Variants in WDPCP observed in about 807,000 individuals in gnomAD.
WDPCP encodes WD repeat-containing and planar cell polarity effector protein fritz homolog.
In WDPCP, 71 loss-of-function variants were observed where a neutral mutation model predicts 93.1. The observed-to-expected ratio is 0.76, with a 90% CI of 0.63 to 0.93. The LOEUF (loss-of-function observed/expected upper bound fraction) is 0.93, where lower values mean the gene tolerates loss of function less well. Ranked by LOEUF, WDPCP falls within the 40% of genes least tolerant of loss-of-function variation. The pLI is 0.00. For synonymous variants in WDPCP, 315 were observed against 315.0 expected, an observed-to-expected ratio of 1.00 and a Z score of 0.00; for missense variants, 844 against 887.4, an observed-to-expected ratio of 0.95 and a Z score of 0.62.
At chr2:63,170,733 T>C (rs1393171460) in intron 15 of WDPCP, among the ~76,000 whole-genome samples, 1 of 152,218 alleles carries the variant, frequency 6.6e-6, no homozygotes, top group Non-Finnish European at 1.5e-5. Flanking sequence ...CATTTTCTGT[T>C]ACTTTGTATG....
At chr2:63,209,181 TTAC>T (rs1348686265) in intron 14 of WDPCP, among the ~76,000 whole-genome samples, 1 of 152,234 alleles carries the variant, frequency 6.6e-6, no homozygotes, top group African/African-American at 2.4e-5. Flanking sequence ...TCTAATTATT[TTAC>T]TTTTTGTAAC....
chr2:63,426,797 G>A (rs975496411), intron 9 of WDPCP, among the ~76,000 whole-genome samples: 2 of 152,148 alleles, frequency 1.3e-5, no homozygotes, highest in African/African-American at 4.8e-5. Context: ...AGGTCCAAGT[G>A]TTTATTGTCT....
chr2:63,599,339 AT>A (rs1709379012), intron 3 of WDPCP: 2 of 1,565,804 alleles, frequency 1.3e-6, no homozygotes, highest in African/African-American at 2.7e-5. Context: ...ACTTTAAAAC[AT>A]TTTTCTCTCA....
chr2:63,354,694 GTGTA>G (rs763468500), intron 12 of WDPCP, among the ~76,000 whole-genome samples: 3 of 150,226 alleles, frequency 2.0e-5, no homozygotes, highest in Non-Finnish European at 4.4e-5. Context: ...ATATATGTGT[GTGTA>G]TGTATGTATA....
At chr2:63,328,465 G>A (rs948113193) in intron 12 of WDPCP, among the ~76,000 whole-genome samples, 18 of 152,112 alleles carry the variant, frequency 1.2e-4, no homozygotes, top group African/African-American at 4.3e-4. Flanking sequence ...CCACCGGGAG[G>A]AACAAACAAC....
In WDPCP at chr2:63,187,371, C is replaced by T. The variant is rs149952073; in HGVS notation, c.1916-12539G>A. Among the ~76,000 whole-genome samples the T allele has an allele frequency of 1.7e-4, 26 of 152,106 alleles. 1 individual carries two copies. The highest frequency in any genetic ancestry group is 5.3e-4 in the African/African-American group (22 of 41,482). ...AATTGCCTCACTTTAAAGTAATTACCGATATGGAAGGATTTTCTGTTGCCA... is the reference window on the plus strand; with the variant it reads ...AATTGCCTCACTTTAAAGTAATTACTGATATGGAAGGATTTTCTGTTGCCA... On this transcript the variant is annotated intron_variant, in intron 14 of 17. Coordinates refer to ENST00000272321, the MANE Select transcript of WDPCP (RefSeq NM_015910.7).
chr2:63,303,608 G>T (rs1398433629), intron 13 of WDPCP, among the ~76,000 whole-genome samples: 1 of 152,148 alleles, frequency 6.6e-6, no homozygotes, highest in Non-Finnish European at 1.5e-5. Flanking sequence ...CCTCTGGAGT[G>T]GTCCACTGAC....
chr2:63,331,834 T>C (rs993232026), intron 12 of WDPCP, among the ~76,000 whole-genome samples: 3 of 152,130 alleles, frequency 2.0e-5, no homozygotes, highest in Non-Finnish European at 4.4e-5. Context: ...ATATCATAAA[T>C]GGAATAGTGC....
chr2:63,786,214 A>G lies in WDPCP; in HGVS notation n.308+27408T>C, dbSNP rs537137432. Among the ~76,000 whole-genome samples, 113 of 152,086 alleles carry G rather than the reference A, an allele frequency of 7.4e-4. 1 individual carries two copies. The highest frequency in any genetic ancestry group is 2.6e-3 in the African/African-American group (106 of 41,498). ...TTTTGTAGAGACGAGGTCTCACTAT[A>G]TTGCCCAGGCTGGTCTCAAACTCCT... On this transcript the variant is annotated intron_variant and non_coding_transcript_variant, in intron 2 of 4. Transcript: ENST00000467687.
intron 14 of WDPCP, among the ~76,000 whole-genome samples, chr2:63,235,886 A>T (rs1679346024): frequency 6.6e-6 from 1 of 152,182 alleles, no homozygotes; most frequent in African/African-American, 2.4e-5. Context: ...CACAGCCAAC[A>T]TCGTACTGCG....
At chr2:63,469,038 T>G (rs905736059) in intron 6 of WDPCP, among the ~76,000 whole-genome samples, 2 of 150,810 alleles carry the variant, frequency 1.3e-5, no homozygotes, top group Admixed American at 1.3e-4. Flanking sequence ...GCAAAGGACA[T>G]GAACTGACAC....
At chr2:63,363,616 T>C (rs114765284) in intron 12 of WDPCP, among the ~76,000 whole-genome samples, 2,350 of 152,196 alleles carry the variant, frequency 0.015, 63 homozygotes, top group African/African-American at 0.054. Context: ...GAGTATTAAA[T>C]TTAATTTTAC....
At chr2:63,275,312 G>T (rs1682999344) in intron 13 of WDPCP, among the ~76,000 whole-genome samples, 1 of 152,104 alleles carries the variant, frequency 6.6e-6, no homozygotes, top group Non-Finnish European at 1.5e-5. Context: ...GGCCATATAT[G>T]AAAAACAGAC....
chr2:63,838,530 C>A, the WDPCP span, among the ~76,000 whole-genome samples: 1 of 152,198 alleles, frequency 6.6e-6, no homozygotes, highest in Admixed American at 6.5e-5. Context: ...CTCCTTAACC[C>A]TGTACACACT....
intron 2 of WDPCP, among the ~76,000 whole-genome samples, chr2:63,787,955 G>T (rs1235608708): frequency 6.6e-6 from 1 of 152,034 alleles, no homozygotes; most frequent in Non-Finnish European, 1.5e-5. Context: ...CAGGAGAATG[G>T]CTTGAACTGG....
chr2:63,481,040 GA>G (rs1436767969), intron 6 of WDPCP, among the ~76,000 whole-genome samples: 1 of 150,930 alleles, frequency 6.6e-6, no homozygotes, highest in African/African-American at 2.4e-5. Context: ...AAATCAGTAA[GA>G]AAAAAAACAA....
chr2:63,352,297 G>GT (rs969708124), intron 12 of WDPCP, among the ~76,000 whole-genome samples: 35 of 151,932 alleles, frequency 2.3e-4, no homozygotes, highest in African/African-American at 8.4e-4. Flanking sequence ...GTCTATTTTT[G>GT]TTTTTTTAAA....
In WDPCP at chr2:63,505,087, T is replaced by A. The variant is rs544114219; in HGVS notation, c.76-12147A>T. Among the ~76,000 whole-genome samples the A allele has an allele frequency of 1.7e-3, 258 of 152,156 alleles. 2 individuals are homozygous for A. Among genetic ancestry groups the A allele is most frequent in the African/African-American group, 5.9e-3 (246 of 41,570 alleles). ...TAAGTTCTCAGCCCCTTAGTCTTTATGACAAGTTCTTAATGAAATGTAAAC... is the reference window on the plus strand; with the variant it reads ...TAAGTTCTCAGCCCCTTAGTCTTTAAGACAAGTTCTTAATGAAATGTAAAC... On this transcript the variant is annotated intron_variant, in intron 1 of 17. Coordinates refer to ENST00000272321, the MANE Select transcript of WDPCP (RefSeq NM_015910.7).
At chr2:63,609,837 A>G (rs1475573268) in intron 3 of WDPCP, among the ~76,000 whole-genome samples, 1 of 152,236 alleles carries the variant, frequency 6.6e-6, no homozygotes, top group East Asian at 1.9e-4. Context: ...ATGCCACTGC[A>G]CTTTAGTCTG....
Sources: allele counts gnomAD v4.1 joint callset (sites outside exome capture counted in the v4.1 genomes callset), GRCh38; gene constraint gnomAD v4.1.1; transcripts MANE v1.5; gene names NCBI Gene and HGNC (gene_info 2026-07-23, HGNC 2026-07-21).